Variants in SLC67A1 observed in about 807,000 individuals in gnomAD.
SLC67A1 encodes the protein solute carrier family 67 member 1, also known as solute carrier family 67 member A1.
At chr11:2,906,190 G>A in the SLC67A1 span, among the ~76,000 whole-genome samples, 2 of 152,226 alleles carry the variant, frequency 1.3e-5, no homozygotes, top group Non-Finnish European at 2.9e-5. Flanking sequence ...ACACCAGTTA[G>A]AATGGCGATC....
At chr11:2,913,952 C>T in the SLC67A1 span, among the ~76,000 whole-genome samples, 3 of 152,182 alleles carry the variant, frequency 2.0e-5, no homozygotes, top group African/African-American at 7.2e-5. Context: ...GTGTGGGCTG[C>T]GGTTGGTGGG....
At chr11:2,918,025 C>T in the SLC67A1 span, 4 of 1,613,478 alleles carry the variant, frequency 2.5e-6, no homozygotes, top group Admixed American at 1.7e-5. Context: ...TGAAGGCCAT[C>T]GCCTCCCTGC....
At chr11:2,911,676 C>T in the SLC67A1 span, among the ~76,000 whole-genome samples, 3 of 152,280 alleles carry the variant, frequency 2.0e-5, no homozygotes, top group East Asian at 5.8e-4. Flanking sequence ...TGGGCCCTCC[C>T]CTGCCCTTAC....
At chr11:2,916,352 C>G in the SLC67A1 span, 1 of 413,926 alleles carries the variant, frequency 2.4e-6, no homozygotes, top group Non-Finnish European at 4.3e-6. Flanking sequence ...ACCAGCCTGG[C>G]TTCCACAGCT....
chr11:2,908,319 G>A, the SLC67A1 span: 223 of 1,612,640 alleles, frequency 1.4e-4, 1 homozygote, highest in South Asian at 1.9e-3. Flanking sequence ...TGGGCGGGCC[G>A]GTATTTGGCA....
At chr11:2,910,988 G>A in the SLC67A1 span, among the ~76,000 whole-genome samples, 2 of 152,148 alleles carry the variant, frequency 1.3e-5, no homozygotes, top group Non-Finnish European at 1.5e-5. Flanking sequence ...TTCATGTTTC[G>A]GGGCTGGGAG....
the SLC67A1 span, chr11:2,903,243 C>T: frequency 6.5e-7 from 1 of 1,534,264 alleles, no homozygotes. Context: ...GCCTGGGACC[C>T]AGTGACTCAG....
the SLC67A1 span, among the ~76,000 whole-genome samples, chr11:2,904,827 C>T: frequency 4.6e-5 from 7 of 152,156 alleles, no homozygotes; most frequent in South Asian, 2.1e-4. Context: ...AGGAGAGGCC[C>T]CGGGGCAGTG....
At chr11:2,912,876 C>T in the SLC67A1 span, among the ~76,000 whole-genome samples, 1 of 152,190 alleles carries the variant, frequency 6.6e-6, no homozygotes, top group Non-Finnish European at 1.5e-5. Flanking sequence ...CCCAGGTGGA[C>T]AGGCAGCCAC....
the SLC67A1 span, chr11:2,909,551 C>T: frequency 4.6e-6 from 7 of 1,516,782 alleles, no homozygotes; most frequent in East Asian, 7.7e-5. Flanking sequence ...GGGCTTTCGC[C>T]GCTCAGCTCC....
the SLC67A1 span, chr11:2,922,598 C>T: frequency 4.0e-6 from 6 of 1,518,306 alleles, no homozygotes; most frequent in Non-Finnish European, 5.3e-6. Context: ...TCCAGGAAGC[C>T]CTAGGAGCTA....
chr11:2,918,074 G>A, the SLC67A1 span: 1 of 1,613,632 alleles, frequency 6.2e-7, no homozygotes, highest in Non-Finnish European at 8.5e-7. Flanking sequence ...CCTGGTGAAG[G>A]TGGCCTCCAA....
At chr11:2,916,534 T>A in the SLC67A1 span, 3 of 955,184 alleles carry the variant, frequency 3.1e-6, no homozygotes, top group Non-Finnish European at 4.9e-6. Context: ...GCTATTTTAG[T>A]GCAACCAAAG....
the SLC67A1 span, chr11:2,925,169 T>C: frequency 8.6e-5 from 138 of 1,613,670 alleles, no homozygotes; most frequent in African/African-American, 1.7e-3. This position sits in a 1 kb window ranked among gnomAD's most constrained non-coding sequence, Gnocchi z 6.5. Flanking sequence ...AGGAAACCTA[T>C]GCCCCAGAGG....
chr11:2,909,160 C>A, the SLC67A1 span: 1 of 1,459,402 alleles, frequency 6.9e-7, no homozygotes. Flanking sequence ...ACACTGACCG[C>A]CTCCGTGAGG....
chr11:2,903,619 C>CA, the SLC67A1 span: 1 of 951,250 alleles, frequency 1.1e-6, no homozygotes. Flanking sequence ...CCAGTTGGGA[C>CA]TCATGCCACG....
At chr11:2,907,438 T>C in the SLC67A1 span, among the ~76,000 whole-genome samples, 1 of 152,108 alleles carries the variant, frequency 6.6e-6, no homozygotes, top group South Asian at 2.1e-4. This position sits in a 1 kb window ranked among gnomAD's most constrained non-coding sequence, Gnocchi z 6.7. Flanking sequence ...TGTCTTCCCA[T>C]GGATTTTTAC....
chr11:2,910,821 G>T, the SLC67A1 span, among the ~76,000 whole-genome samples: 1 of 152,334 alleles, frequency 6.6e-6, no homozygotes, highest in Non-Finnish European at 1.5e-5. Flanking sequence ...AGAGGCCCAA[G>T]CAGCCTGGGG....
the SLC67A1 span, among the ~76,000 whole-genome samples, chr11:2,924,437 G>A: frequency 6.6e-6 from 1 of 152,146 alleles, no homozygotes; most frequent in African/African-American, 2.4e-5. The surrounding 1 kb of genome is among the most constrained non-coding windows in gnomAD (Gnocchi z 8.6). Flanking sequence ...GGGGTGTCAT[G>A]CCCACTCTGA....
Sources: allele counts gnomAD v4.1 joint callset (sites outside exome capture counted in the v4.1 genomes callset), GRCh38; gene constraint gnomAD v4.1.1; non-coding constraint Gnocchi (gnomAD v3.1); transcripts MANE v1.5; gene names NCBI Gene and HGNC (gene_info 2026-07-23, HGNC 2026-07-21).